Variants in SAMD12 observed in about 807,000 individuals in gnomAD.
The protein encoded by SAMD12 is sterile alpha motif domain containing 12.
Under a neutral mutation model 15.0 loss-of-function variants are expected in SAMD12, and 9 were observed. The ratio of observed to expected loss-of-function variants is 0.60; its 90% CI spans 0.36 to 1.05. The LOEUF is 1.05. SAMD12 is among the 50% of genes least tolerant of loss of function. The pLI is 0.01. For synonymous variants in SAMD12, 86 were observed against 90.1 expected (o/e 0.96, Z 0.25); for missense variants, 230 against 234.2 (o/e 0.98, Z 0.12).
At chr8:118,258,274 T>TTC (rs534735329) in intron 4 of SAMD12, among the ~76,000 whole-genome samples, 1 of 152,166 alleles carries the variant, frequency 6.6e-6, no homozygotes, top group Non-Finnish European at 1.5e-5. Flanking sequence ...ACTATTATTG[T>TTC]TCTCTCTCTA....
At chr8:118,414,704 T>C (rs1217779144) in intron 3 of SAMD12, among the ~76,000 whole-genome samples, 1 of 152,140 alleles carries the variant, frequency 6.6e-6, no homozygotes, top group Non-Finnish European at 1.5e-5. Flanking sequence ...TCATAAAAAA[T>C]TGGCATTGCT....
chr8:118,145,972 T>C, the SAMD12 span, among the ~76,000 whole-genome samples: 4 of 151,910 alleles, frequency 2.6e-5, no homozygotes, highest in East Asian at 1.9e-4. Context: ...CAGTTCTTTC[T>C]TGAAGGGAGA....
intron 2 of SAMD12, among the ~76,000 whole-genome samples, chr8:118,468,208 G>A (rs181590299): frequency 1.1e-4 from 17 of 152,240 alleles, no homozygotes; most frequent in Admixed American, 2.0e-4. Flanking sequence ...CATAAATGGT[G>A]GAAAAACAGC....
At chr8:118,503,520 A>C (rs915226081) in intron 2 of SAMD12, among the ~76,000 whole-genome samples, 1 of 152,304 alleles carries the variant, frequency 6.6e-6, no homozygotes, top group South Asian at 2.1e-4. Flanking sequence ...GAAAACTTCA[A>C]ATGAGGCTGA....
chr8:118,476,727 T>C (rs1823969896), intron 2 of SAMD12, among the ~76,000 whole-genome samples: 1 of 152,206 alleles, frequency 6.6e-6, no homozygotes, highest in South Asian at 2.1e-4. Flanking sequence ...AGTAGGCATG[T>C]TCTTAAAATT....
chr8:118,279,633 C>T (rs574510964), intron 4 of SAMD12, among the ~76,000 whole-genome samples: 5 of 152,334 alleles, frequency 3.3e-5, no homozygotes, highest in South Asian at 4.1e-4. Flanking sequence ...GAACTGAAAT[C>T]GTGAATATGC....
chr8:118,526,458 G>A (rs1034422283), intron 2 of SAMD12, among the ~76,000 whole-genome samples: 1 of 152,056 alleles, frequency 6.6e-6, no homozygotes, highest in African/African-American at 2.4e-5. Flanking sequence ...GCTCTGGGAT[G>A]AAGCCCAGAG....
At chr8:118,469,503 T>TTATATAATATATATAATATATAA (rs1411769863) in intron 2 of SAMD12, among the ~76,000 whole-genome samples, 1 of 2,890 alleles carries the variant, frequency 3.5e-4, no homozygotes, top group Non-Finnish European at 7.6e-4. Context: ...ATATATATTT[T>TTATATAATATATATAATATATAA]TATATAATAT....
chr8:118,197,202 A>T (rs976324209), exon 5 of SAMD12: 6 of 158,740 alleles, frequency 3.8e-5, no homozygotes, highest in Admixed American at 3.6e-4. Context: ...AGAGTTGGAC[A>T]GTATACCTTT....
the SAMD12 span, among the ~76,000 whole-genome samples, chr8:118,141,586 C>T: frequency 6.6e-6 from 1 of 152,116 alleles, no homozygotes; most frequent in Admixed American, 6.5e-5. Flanking sequence ...TGAAAACATA[C>T]CAGTATAGAA....
intron 3 of SAMD12, among the ~76,000 whole-genome samples, chr8:118,400,784 C>T (rs777954015): frequency 6.8e-4 from 103 of 152,190 alleles, no homozygotes; most frequent in African/African-American, 1.6e-3. Context: ...TACCCTCACA[C>T]GCCAGGAGAC....
chr8:118,597,082 G>T (rs985702882), intron 1 of SAMD12, among the ~76,000 whole-genome samples: 1 of 152,156 alleles, frequency 6.6e-6, no homozygotes, highest in Non-Finnish European at 1.5e-5. Flanking sequence ...AGCATGCATG[G>T]GGCACAGAGG....
At chr8:118,215,215 T>A (rs2514962) in intron 4 of SAMD12, among the ~76,000 whole-genome samples, 79,912 of 151,974 alleles carry the variant, frequency 0.53, 22,292 homozygotes, top group Non-Finnish European at 0.62. Flanking sequence ...AAAATAAAGT[T>A]TTATTGGATC....
At chr8:118,554,744 G>T (rs572223412) in intron 2 of SAMD12, among the ~76,000 whole-genome samples, 1 of 151,822 alleles carries the variant, frequency 6.6e-6, no homozygotes, top group South Asian at 2.1e-4. Flanking sequence ...TACCCTTTAT[G>T]ATATGGGTGG....
At chr8:118,512,835 G>C (rs12682339) in intron 2 of SAMD12, among the ~76,000 whole-genome samples, 29,435 of 151,952 alleles carry the variant, frequency 0.19, 2,985 homozygotes, top group South Asian at 0.4. Context: ...ATTCTTCAAA[G>C]CCAAGTTTAA....
chr8:118,175,044 A>C, the SAMD12 span, among the ~76,000 whole-genome samples: 7 of 149,000 alleles, frequency 4.7e-5, no homozygotes, highest in Non-Finnish European at 7.4e-5. Flanking sequence ...CAAAAAAAAA[A>C]AAACAAAAAA....
At chr8:118,242,941 C>T (rs1563712096) in intron 4 of SAMD12, among the ~76,000 whole-genome samples, 1 of 152,162 alleles carries the variant, frequency 6.6e-6, no homozygotes, top group Non-Finnish European at 1.5e-5. Context: ...GTTTCCCCAT[C>T]TGGGCTACAA....
At chr8:118,502,031 A>G (rs988448528) in intron 2 of SAMD12, among the ~76,000 whole-genome samples, 2 of 152,002 alleles carry the variant, frequency 1.3e-5, no homozygotes, top group Non-Finnish European at 2.9e-5. Flanking sequence ...AAAAAAAAAA[A>G]AAAAAAAAAG....
intron 4 of SAMD12, among the ~76,000 whole-genome samples, chr8:118,316,990 C>T (rs997795212): frequency 5.9e-5 from 9 of 151,830 alleles, no homozygotes; most frequent in East Asian, 3.9e-4. Flanking sequence ...TAAATTAAAA[C>T]GAGGTGATTA....
Sources: allele counts gnomAD v4.1 joint callset (sites outside exome capture counted in the v4.1 genomes callset), GRCh38; gene constraint gnomAD v4.1.1; transcripts MANE v1.5; gene names NCBI Gene and HGNC (gene_info 2026-07-23, HGNC 2026-07-21).